MYMK: variants seen among roughly 807,000 people sequenced by gnomAD.
MYMK encodes protein myomaker.
MYMK carries 16 observed loss-of-function variants against 22.4 expected under a neutral mutation model. That is an observed-to-expected ratio of 0.72 (90% CI 0.48 to 1.09). MYMK has a LOEUF of 1.09. Ranked by LOEUF, MYMK falls within the 50% of genes least tolerant of loss-of-function variation. The pLI is 0.00. For missense variants in MYMK, 250 were observed against 295.6 expected (o/e 0.85, Z 1.13); for synonymous variants, 125 against 127.0 (o/e 0.98, Z 0.11).
intron 1 of MYMK, among the ~76,000 whole-genome samples, chr9:133,523,198 A>G (rs1177896201): frequency 1.3e-5 from 2 of 152,260 alleles, no homozygotes; most frequent in East Asian, 3.8e-4. Context: ...TGACCAATTC[A>G]GGATACAAGC....
rs1784308095 is a variant in MYMK, at chr9:133,515,721, C to A, written c.400-114G>T. The A allele has an allele frequency of 7.3e-6, 5 of 688,718 alleles. No individual in the cohort carries two copies. The highest frequency in any genetic ancestry group is 1.0e-5 in the Non-Finnish European group (4 of 393,756). 42.7% of individuals were successfully genotyped at this position (688,718 alleles called of 1,614,324 possible). A position where few individuals can be genotyped will look rare whatever the true frequency, so the allele number is the denominator to read the frequency against. ...CAGGCTCACCCCAGCCCTCTCCCGG[C>A]AGGAGAGGAGGCTCAGGAGCCTCCT... On this transcript the variant is annotated intron_variant, in intron 3 of 4. Coordinates refer to ENST00000339996, the MANE Select transcript of MYMK (RefSeq NM_001080483.3). This position sits in a 1 kb window ranked among gnomAD's most constrained non-coding sequence, Gnocchi z 5.8.
Position 133,520,181 on chromosome 9 carries a change from C to T in MYMK, c.243G>A (p.Ser81=), listed in dbSNP as rs756144808. 17 of 1,613,658 alleles carry T rather than the reference C, an allele frequency of 1.1e-5. No individual in the cohort carries two copies. Among genetic ancestry groups the T allele is most frequent in the South Asian group, 2.2e-5 (2 of 91,060 alleles). The change falls in exon 2 of 5, where the codon TCG becomes TCA. Residue 81 remains serine, a synonymous_variant. Transcript: ENST00000339996. The part of the protein sequence containing the change: ...VYGTALSMWV[S]LMALADFDEP... ...CAGGGGTTGACCACTCACCCATCAG[C>T]GAGACCCACATGCTCAGGGCTGTCC...
At chr9:133,517,618 A>C (rs1398431348) in intron 3 of MYMK, among the ~76,000 whole-genome samples, 1 of 150,912 alleles carries the variant, frequency 6.6e-6, no homozygotes, top group East Asian at 1.9e-4. Flanking sequence ...GTGAGCCAAG[A>C]TGGCGCCATT....
At chr9:133,523,717 G>GAA (rs1191135075) in intron 1 of MYMK, among the ~76,000 whole-genome samples, 2 of 90,392 alleles carry the variant, frequency 2.2e-5, no homozygotes, top group Non-Finnish European at 5.3e-5. Flanking sequence ...GAGAGAGAGA[G>GAA]AGACAAGCTG....
chr9:133,524,781 C>T lies in MYMK; in HGVS notation c.64G>A (p.Val22Ile), dbSNP rs532096722. 6.8e-6 allele frequency: 11 copies of T among 1,613,978 alleles called. No homozygotes were observed. The African/African-American group carries it at 1.2e-4, about 18-fold the overall frequency. Residue 22 changes from valine (V) to isoleucine (I), a missense_variant, in exon 1 of 5, where the codon GTC becomes ATC. By Grantham distance (29) the Val-to-Ile change is conservative. Transcript: ENST00000339996. ...TLSSLAFLPT[V>I]SIAAKRRFHM... ...AACCGCCTCTTGGCCGCGATGCTGA[C>T]AGTGGGGAGGAAGGCCAGGCTGCTG...
At position 133,515,792 on chromosome 9, in the gene MYMK, G is replaced by A. The variant is rs572417371; in HGVS notation, c.400-185C>T. Among the ~76,000 whole-genome samples, 126 of 152,182 alleles carry A rather than the reference G, an allele frequency of 8.3e-4. No homozygotes were observed. Among genetic ancestry groups the A allele is most frequent in the African/African-American group, 2.8e-3 (118 of 41,538 alleles). On this transcript the variant is annotated intron_variant, in intron 3 of 4. Coordinates refer to ENST00000339996, the MANE Select transcript of MYMK (RefSeq NM_001080483.3). This position sits in a 1 kb window ranked among gnomAD's most constrained non-coding sequence, Gnocchi z 5.8. ...GCTTCTGCTGGACAGGGCCCTTCACGGTGCGACCCAGCAGAGACCCCAGCC... is the reference window on the plus strand; with the variant it reads ...GCTTCTGCTGGACAGGGCCCTTCACAGTGCGACCCAGCAGAGACCCCAGCC...
intron 1 of MYMK, among the ~76,000 whole-genome samples, chr9:133,524,106 C>T (rs1368034916): frequency 1.3e-5 from 2 of 151,882 alleles, no homozygotes; most frequent in East Asian, 1.9e-4. Context: ...AGAGAGCAAG[C>T]GGAGACAGTC....
Position 133,524,778 on chromosome 9 carries a change from T to C in MYMK, c.67A>G (p.Ser23Gly). The change falls in exon 1 of 5, where the codon AGC (serine) becomes GGC (glycine). Residue 23 changes from serine to glycine, a missense_variant. Coordinates refer to ENST00000339996, the MANE Select transcript of MYMK (RefSeq NM_001080483.3). ...TGGAACCGCCTCTTGGCCGCGATGC[T>C]GACAGTGGGGAGGAAGGCCAGGCTG... is the stretch of plus-strand genomic sequence containing the variant. ...LSSLAFLPTV[S>G]IAAKRRFHME... 6.2e-7 allele frequency: 1 copy of C among 1,614,102 alleles called. No individual in the cohort carries two copies. Among genetic ancestry groups the C allele is most frequent in the South Asian group, 1.1e-5 (1 of 91,072 alleles).
chr9:133,519,312 A>G (rs9695097), intron 2 of MYMK, among the ~76,000 whole-genome samples: 6,713 of 152,064 alleles, frequency 0.044, 366 homozygotes, highest in African/African-American at 0.12. Context: ...CAGGTCTGCA[A>G]TCCCAGTGCT....
chr9:133,520,944 T>A (rs1412333644), intron 1 of MYMK, among the ~76,000 whole-genome samples: 1 of 152,124 alleles, frequency 6.6e-6, no homozygotes, highest in Non-Finnish European at 1.5e-5. Flanking sequence ...AAAATGTGCA[T>A]TTTGAACACA....
Position 133,520,664 on chromosome 9 carries a change from G to A in MYMK, c.136-376C>T, listed in dbSNP as rs114892568. ...GGAGGGACCCTACACGGCTCTCCCC[G>A]GACCTTCAGCATCTGTGCTTCCTTG... On this transcript the variant is annotated intron_variant, in intron 1 of 4. Coordinates refer to ENST00000339996, the MANE Select transcript of MYMK (RefSeq NM_001080483.3). 1.0e-2 allele frequency among the ~76,000 whole-genome samples: 1,517 copies of A among 152,238 alleles called. 33 individuals are homozygous for A. The highest frequency in any genetic ancestry group is 0.031 in the African/African-American group (1,307 of 41,536).
rs1373933218 is a variant in MYMK at position 133,517,699 on chromosome 9, C to T, written c.399+1175G>A. Reference sequence around the variant, plus strand: ...AAAAAAAAAAAGTCAGGTTCTGGCCCCGCCACTGCCCTGCCATGACGTCCT... The same window carrying T: ...AAAAAAAAAAAGTCAGGTTCTGGCCTCGCCACTGCCCTGCCATGACGTCCT... On this transcript the variant is annotated intron_variant, in intron 3 of 4. Coordinates refer to ENST00000339996, the MANE Select transcript of MYMK (RefSeq NM_001080483.3). Among the ~76,000 whole-genome samples, 3 of 151,792 alleles carry T rather than the reference C, an allele frequency of 2.0e-5. No individual in the cohort carries two copies. In the East Asian group the frequency reaches 5.8e-4, roughly 29 times the overall value.
intron 2 of MYMK, 116 bp from the exon 3 acceptor site, chr9:133,519,138 C>T: frequency 5.3e-6 from 7 of 1,322,434 alleles, no homozygotes; most frequent in Non-Finnish European, 6.2e-6. Context: ...CTCGGTGTCC[C>T]CTCAGCCAGC....
chr9:133,524,701 C>G lies in MYMK; in HGVS notation c.135+9G>C. 6.2e-7 allele frequency: 1 copy of G among 1,614,156 alleles called. No homozygotes were observed. The highest frequency in any genetic ancestry group is 8.5e-7 in the Non-Finnish European group (1 of 1,180,034). On this transcript the variant is annotated intron_variant, in intron 1 of 4. Transcript: ENST00000339996. ...CTGTGTGGGACTTCCTCCCAGCCCC[C>G]AGACTCACCGCCACGAAGAACAGGG...
chr9:133,519,119 A>G, intron 2 of MYMK, 97 bp from the exon 3 acceptor site: 6 of 1,469,064 alleles, frequency 4.1e-6, no homozygotes, highest in Non-Finnish European at 5.5e-6. Flanking sequence ...CATCCTGTAG[A>G]TGCCCTCTCT....
At position 133,524,879 on chromosome 9, in the gene MYMK, GGTGCTGGT is replaced by G. The variant is rs1361415810; in HGVS notation, c.-43_-36del. On this transcript the variant is annotated 5_prime_UTR_variant, in exon 1 of 5. Transcript: ENST00000339996. ...GGAAAGCACTGGCTGGGGTGGGGAG[GGTGCTGGT>G]GTCCCAGGTCCCCAGCACAGGAGCA... 1.3e-6 allele frequency: 2 copies of G among 1,574,944 alleles called. No homozygotes were observed. The highest frequency in any genetic ancestry group is 8.6e-7 in the Non-Finnish European group (1 of 1,160,574).
rs1844618516 is a variant in MYMK at position 133,515,351 on chromosome 9, G to C, written c.516+140C>G. ...CCCGACATAGCCCTGGGAGGGGCTAGTGAGCAGGGACTAATACCAGACTTT... is the reference window on the plus strand; with the variant it reads ...CCCGACATAGCCCTGGGAGGGGCTACTGAGCAGGGACTAATACCAGACTTT... On this transcript the variant is annotated intron_variant, in intron 4 of 4. Coordinates refer to ENST00000339996, the MANE Select transcript of MYMK (RefSeq NM_001080483.3). This position sits in a 1 kb window ranked among gnomAD's most constrained non-coding sequence, Gnocchi z 5.8. The C allele has an allele frequency of 1.5e-6, 1 of 666,688 alleles. No homozygotes were observed. Among genetic ancestry groups the C allele is most frequent in the Non-Finnish European group, 2.7e-6 (1 of 369,238 alleles). 41.3% of individuals were successfully genotyped at this position (666,688 alleles called of 1,614,324 possible).
Position 133,514,799 on chromosome 9 carries a change from G to C in MYMK, c.517-14C>G. ...GTAGTCCCAGTCCTGCGGGGGGCAA[G>C]CGGTCAGTCTGGGGCCTCAGCCCCC... On this transcript the variant is annotated splice_polypyrimidine_tract_variant and intron_variant, in intron 4 of 4. Transcript: ENST00000339996. The C allele has an allele frequency of 6.2e-7, 1 of 1,612,006 alleles. No homozygotes were observed. The highest frequency in any genetic ancestry group is 1.7e-4 in the Middle Eastern group (1 of 6,026).
At chr9:133,519,789 C>G (rs928885085) in intron 2 of MYMK, among the ~76,000 whole-genome samples, 1 of 152,052 alleles carries the variant, frequency 6.6e-6, no homozygotes, top group Non-Finnish European at 1.5e-5. Context: ...GGATATCACC[C>G]GTGTGTGTGG....
Sources: gnomAD v4.1 joint callset for allele counts (sites outside exome capture counted in the v4.1 genomes callset) on GRCh38, gnomAD v4.1.1 for gene constraint, Gnocchi (gnomAD v3.1) non-coding constraint, MANE v1.5 for transcripts, NCBI Gene and HGNC (gene_info 2026-07-23, HGNC 2026-07-21) for gene names.